Variants in RPGRIP1L observed in about 807,000 individuals in gnomAD.
RPGRIP1L encodes protein fantom.
RPGRIP1L carries 131 observed loss-of-function variants against 160.4 expected under a neutral mutation model. The ratio of observed to expected loss-of-function variants is 0.82; its 90% CI spans 0.71 to 0.94. RPGRIP1L has a LOEUF of 0.94. Among genes scored for constraint, RPGRIP1L ranks in the 40% least tolerant of loss-of-function variants. The pLI is 0.00. For synonymous variants in RPGRIP1L, 510 were observed against 515.8 expected (o/e 0.99, Z 0.15); for missense variants, 1,522 against 1,535.8 (o/e 0.99, Z 0.15).
intron 17 of RPGRIP1L, among the ~76,000 whole-genome samples, chr16:53,644,855 G>T (rs913800405): frequency 6.6e-6 from 1 of 152,136 alleles, no homozygotes; most frequent in Non-Finnish European, 1.5e-5. Context: ...CAGGCTGAAG[G>T]AAAGAGACAG....
intron 1 of RPGRIP1L, among the ~76,000 whole-genome samples, chr16:53,702,983 G>A (rs1439832207): frequency 1.3e-5 from 2 of 152,184 alleles, no homozygotes; most frequent in African/African-American, 2.4e-5. Context: ...TTTATTGAAT[G>A]ATTGGCTGTG....
Position 53,598,554 on chromosome 16 carries a change from T to C in RPGRIP1L, c.*3522A>G, listed in dbSNP as rs923498513. The C allele has an allele frequency of 6.6e-6, 1 of 152,200 alleles. No individual in the cohort carries two copies. Among genetic ancestry groups the C allele is most frequent in the Non-Finnish European group, 1.5e-5 (1 of 68,028 alleles). The allele number at this position is 152,200 out of a possible 1,614,324, so 9.4% of individuals were successfully genotyped here. The stretch of plus-strand genomic sequence containing the variant: ...AAAAGAGATTAGGATGAGGAGATGT[T>C]TTCTAATTCTATATTTTTAGTTTTA... On this transcript the variant is annotated 3_prime_UTR_variant, in exon 27 of 27. Transcript: ENST00000647211.
At chr16:53,665,564 A>C (rs1858510110) in intron 9 of RPGRIP1L, among the ~76,000 whole-genome samples, 1 of 152,214 alleles carries the variant, frequency 6.6e-6, no homozygotes, top group African/African-American at 2.4e-5. Flanking sequence ...AAAAACAAAA[A>C]ACAATAGGCT....
At chr16:53,695,575 G>T in intron 3 of RPGRIP1L, 1 of 606,398 alleles carries the variant, frequency 1.6e-6, no homozygotes, top group South Asian at 2.0e-5. Context: ...AAGAATGAAA[G>T]AGTATCTACT....
At chr16:53,602,313 A>G in intron 26 of RPGRIP1L, 125 bp from the exon 27 acceptor site, 1 of 707,202 alleles carries the variant, frequency 1.4e-6, no homozygotes, top group East Asian at 2.7e-5. Context: ...GTTCACTGGC[A>G]TCTTGGGTAT....
chr16:53,683,298 TA>T (rs545534110), intron 6 of RPGRIP1L, among the ~76,000 whole-genome samples: 19 of 150,052 alleles, frequency 1.3e-4, no homozygotes, highest in East Asian at 1.2e-3. Flanking sequence ...AGGTCTGGTT[TA>T]AAAAAAAAAT....
At chr16:53,632,433 T>C (rs937032640) in intron 22 of RPGRIP1L, among the ~76,000 whole-genome samples, 1 of 152,230 alleles carries the variant, frequency 6.6e-6, no homozygotes, top group Non-Finnish European at 1.5e-5. Flanking sequence ...ATTGACAGCA[T>C]GATCTTTCAA....
At chr16:53,619,285 A>G (rs866077079) in intron 23 of RPGRIP1L, 77 bp from the exon 24 acceptor site, 1 of 1,356,820 alleles carries the variant, frequency 7.4e-7, no homozygotes, top group Non-Finnish European at 1.0e-6. Context: ...ACTTTCCACT[A>G]TCAATTTTAA....
chr16:53,640,967 T>C, intron 19 of RPGRIP1L, 66 bp downstream of exon 19: 1 of 1,087,416 alleles, frequency 9.2e-7, no homozygotes, highest in Non-Finnish European at 1.4e-6. Context: ...GGGAATAATA[T>C]GCCTATATAA....
chr16:53,674,295 G>A (rs1968975178), intron 7 of RPGRIP1L, among the ~76,000 whole-genome samples: 1 of 152,116 alleles, frequency 6.6e-6, no homozygotes, highest in African/African-American at 2.4e-5. Context: ...GGACTTCAAA[G>A]AAAGTGTTAC....
chr16:53,618,946 TTC>T, intron 24 of RPGRIP1L, 77 bp downstream of exon 24: 1 of 1,188,740 alleles, frequency 8.4e-7, no homozygotes, highest in Non-Finnish European at 1.2e-6. Context: ...GAAATAAACT[TTC>T]TCTCTGTTCT....
chr16:53,656,518 A>C lies in RPGRIP1L; in HGVS notation c.1653T>G (p.Tyr551Ter), dbSNP rs747816609. ...CAGCCCTGATATCAAGAAGATGAAC[A>C]TACTGTTCCACTTTGAGTTCATAAT... ...QQDYELKVEQ[Y>*]VHLLDIRAAR... The change falls in exon 14 of 27, where the codon TAT (tyrosine) becomes TAG (stop). Residue 551 changes from tyrosine (Y) to a stop codon, truncating the protein, a stop_gained. Transcript: ENST00000647211. LOFTEE classifies it high-confidence loss of function. 1 of 1,614,094 alleles carries C rather than the reference A, an allele frequency of 6.2e-7. No individual in the cohort carries two copies. The highest frequency in any genetic ancestry group is 8.5e-7 in the Non-Finnish European group (1 of 1,179,958).
chr16:53,647,300 C>CT (rs1966620600), intron 16 of RPGRIP1L, among the ~76,000 whole-genome samples: 2 of 152,266 alleles, frequency 1.3e-5, no homozygotes, highest in Non-Finnish European at 2.9e-5. Context: ...AAAAAAGGGA[C>CT]TTTAAGGTTA....
intron 9 of RPGRIP1L, among the ~76,000 whole-genome samples, chr16:53,669,813 A>G (rs1212512684): frequency 1.3e-5 from 2 of 152,174 alleles, no homozygotes; most frequent in Non-Finnish European, 2.9e-5. Flanking sequence ...CCACATATGC[A>G]ATTTTCCAAT....
At chr16:53,700,480 T>C (rs1187164301) in intron 2 of RPGRIP1L, among the ~76,000 whole-genome samples, 159 bp downstream of exon 2, 2 of 152,198 alleles carry the variant, frequency 1.3e-5, no homozygotes, top group Non-Finnish European at 2.9e-5. Flanking sequence ...TGTAGTAAAA[T>C]ACCATATGTG....
intron 22 of RPGRIP1L, among the ~76,000 whole-genome samples, chr16:53,625,631 G>T (rs897183498): frequency 5.3e-5 from 8 of 152,182 alleles, no homozygotes; most frequent in Admixed American, 4.6e-4. Context: ...CCGCCACCCC[G>T]TCTGGGACGT....
intron 25 of RPGRIP1L, chr16:53,607,987 C>A (rs1349383470): frequency 6.1e-6 from 6 of 985,070 alleles, no homozygotes; most frequent in African/African-American, 1.7e-5. Flanking sequence ...ACAGTCTAGT[C>A]TGAGGACCTG....
At chr16:53,630,486 T>C (rs1053017138) in intron 22 of RPGRIP1L, among the ~76,000 whole-genome samples, 10 of 152,110 alleles carry the variant, frequency 6.6e-5, no homozygotes, top group African/African-American at 2.2e-4. Context: ...CAGATATATT[T>C]GTATTAGCAA....
At chr16:53,687,361 G>A (rs1970092745) in intron 5 of RPGRIP1L, among the ~76,000 whole-genome samples, 2 of 152,262 alleles carry the variant, frequency 1.3e-5, no homozygotes, top group South Asian at 4.1e-4. Context: ...TAAGCTAAAT[G>A]TGGCAGAAGT....
Sources: gnomAD v4.1 joint callset for allele counts (sites outside exome capture counted in the v4.1 genomes callset) on GRCh38, gnomAD v4.1.1 for gene constraint, MANE v1.5 for transcripts, NCBI Gene and HGNC (gene_info 2026-07-23, HGNC 2026-07-21) for gene names.